The following LSAMP variants were observed in gnomAD, a reference collection of about 807,000 sequenced individuals.
LSAMP encodes limbic system-associated membrane protein.
LSAMP carries 7 observed loss-of-function variants against 38.6 expected under a neutral mutation model. That is an observed-to-expected ratio of 0.18 (90% CI 0.10 to 0.34). The LOEUF (loss-of-function observed/expected upper bound fraction) is 0.34. Among genes scored for constraint, LSAMP ranks in the 10% least tolerant of loss-of-function variants. The pLI, the probability that LSAMP is intolerant of heterozygous loss-of-function variation, is 1.00. For missense variants in LSAMP, 313 were observed against 420.0 expected, an observed-to-expected ratio of 0.75 and a Z score of 2.23; for synonymous variants, 154 against 166.8, an observed-to-expected ratio of 0.92 and a Z score of 0.59.
chr3:115,827,378 A>G (rs1009319795), intron 6 of LSAMP, among the ~76,000 whole-genome samples: 6 of 151,732 alleles, frequency 4.0e-5, no homozygotes, highest in Admixed American at 3.9e-4. Context: ...ATTGCCTCCA[A>G]ATGTCTTTTT....
At chr3:116,111,131 ACTT>A (rs1469130090) in intron 1 of LSAMP, among the ~76,000 whole-genome samples, 1 of 152,078 alleles carries the variant, frequency 6.6e-6, no homozygotes, top group African/African-American at 2.4e-5. Flanking sequence ...GGGCCTTTTC[ACTT>A]CTTTTGTGAT....
chr3:116,038,729 G>C (rs977363642), intron 2 of LSAMP, among the ~76,000 whole-genome samples: 6 of 152,144 alleles, frequency 3.9e-5, no homozygotes, highest in African/African-American at 1.4e-4. Context: ...TAAAGTAAGA[G>C]AGAGAAGTGC....
Position 116,427,287 on chromosome 3 carries a change from AT to A in LSAMP, c.155+17589del, listed in dbSNP as rs1236639081. Among the ~76,000 whole-genome samples, 5 of 151,098 alleles carry A rather than the reference AT, an allele frequency of 3.3e-5. No individual in the cohort carries two copies. In the East Asian group the frequency reaches 9.8e-4, roughly 30 times the overall value. On this transcript the variant is annotated intron_variant, in intron 1 of 6. Coordinates refer to ENST00000490035, the MANE Select transcript of LSAMP (RefSeq NM_002338.5). ...AGGCGCCCACCACCGCGCCCGGCTAATTTTTTGTATTTTTAGTAGAGACGGG... is the reference window on the plus strand; with the variant it reads ...AGGCGCCCACCACCGCGCCCGGCTAATTTTTGTATTTTTAGTAGAGACGGG...
At chr3:116,317,680 A>G (rs898239894) in intron 1 of LSAMP, among the ~76,000 whole-genome samples, 1 of 151,810 alleles carries the variant, frequency 6.6e-6, no homozygotes, top group Non-Finnish European at 1.5e-5. Flanking sequence ...TCTCATCTGC[A>G]TGATGTTAAG....
intron 3 of LSAMP, among the ~76,000 whole-genome samples, chr3:115,918,749 C>T (rs1937314857): frequency 7.0e-6 from 1 of 143,340 alleles, no homozygotes; most frequent in South Asian, 2.2e-4. Context: ...GTACTTATAG[C>T]TCAGAGAGAT....
intron 3 of LSAMP, among the ~76,000 whole-genome samples, chr3:115,986,289 A>G (rs539718827): frequency 2.0e-5 from 3 of 152,296 alleles, no homozygotes; most frequent in African/African-American, 7.2e-5. Context: ...AAGAAATAAA[A>G]CATGCTTGAG....
intron 2 of LSAMP, among the ~76,000 whole-genome samples, chr3:116,022,653 TC>T (rs1378863184): frequency 2.6e-5 from 4 of 152,224 alleles, no homozygotes; most frequent in African/African-American, 9.6e-5. Context: ...CTTAAGCTTA[TC>T]TTGTCCTTTC....
intron 1 of LSAMP, among the ~76,000 whole-genome samples, chr3:116,161,603 C>G (rs1273195049): frequency 6.6e-6 from 1 of 152,136 alleles, no homozygotes; most frequent in Non-Finnish European, 1.5e-5. Context: ...AAGAGCTCCC[C>G]AGATCCACTG....
chr3:116,016,200 AAAAC>A (rs1411008614), intron 3 of LSAMP, among the ~76,000 whole-genome samples: 3 of 152,138 alleles, frequency 2.0e-5, no homozygotes, highest in Non-Finnish European at 2.9e-5. Context: ...AAAAACCATG[AAAAC>A]AAACAAACAA....
intron 1 of LSAMP, among the ~76,000 whole-genome samples, chr3:116,098,768 C>T (rs1233427015): frequency 7.2e-5 from 11 of 151,760 alleles, no homozygotes; most frequent in African/African-American, 2.7e-4. Context: ...TTTTTTCCTC[C>T]CTTTTGCTGG....
intron 3 of LSAMP, among the ~76,000 whole-genome samples, chr3:116,010,621 A>G (rs1940296988): frequency 6.6e-6 from 1 of 152,260 alleles, no homozygotes; most frequent in Non-Finnish European, 1.5e-5. Flanking sequence ...AGGATTCGCC[A>G]TAGAACATTG....
At chr3:115,924,158 A>T (rs1396020937) in intron 3 of LSAMP, among the ~76,000 whole-genome samples, 1 of 152,092 alleles carries the variant, frequency 6.6e-6, no homozygotes, top group African/African-American at 2.4e-5. Context: ...GTTTTTTCTA[A>T]TCTGGACTTT....
intron 1 of LSAMP, among the ~76,000 whole-genome samples, chr3:116,182,378 T>C (rs1333828177): frequency 6.6e-6 from 1 of 150,748 alleles, no homozygotes; most frequent in Non-Finnish European, 1.5e-5. Flanking sequence ...ATATTGAACT[T>C]ATATATATAT....
At chr3:116,232,562 G>A (rs1222933117) in intron 1 of LSAMP, among the ~76,000 whole-genome samples, 2 of 152,220 alleles carry the variant, frequency 1.3e-5, no homozygotes, top group South Asian at 2.1e-4. Flanking sequence ...GCTTTATAAA[G>A]GTTTTGGCTT....
chr3:116,185,969 G>A (rs1489214650), intron 1 of LSAMP, among the ~76,000 whole-genome samples: 3 of 151,356 alleles, frequency 2.0e-5, no homozygotes, highest in African/African-American at 4.9e-5. Flanking sequence ...GGAAATCAAA[G>A]GCTGCATGAA....
chr3:116,202,357 C>T (rs940250027), intron 1 of LSAMP, among the ~76,000 whole-genome samples: 6 of 152,280 alleles, frequency 3.9e-5, no homozygotes, highest in Middle Eastern at 3.4e-3. Flanking sequence ...TAATCTTGAA[C>T]TCCTGACCTT....
intron 2 of LSAMP, among the ~76,000 whole-genome samples, chr3:116,023,297 T>C (rs182134299): frequency 6.6e-6 from 1 of 151,896 alleles, no homozygotes; most frequent in African/African-American, 2.4e-5. Context: ...AATGAGAAAA[T>C]ATTAAAAATG....
Position 116,445,258 on chromosome 3 carries a change from A to T in LSAMP, c.-227T>A. ...ACCCAAGCAGAAGGGTGAAAAGTAA[A>T]AGCAACACAATTTCAAAAGAGAGAG... On this transcript the variant is annotated 5_prime_UTR_variant, in exon 1 of 7. Transcript: ENST00000490035. 1 of 591,222 alleles carries T rather than the reference A, an allele frequency of 1.7e-6. No individual in the cohort carries two copies. Among genetic ancestry groups the T allele is most frequent in the Non-Finnish European group, 3.0e-6 (1 of 333,176 alleles). 36.6% of individuals were successfully genotyped at this position (591,222 alleles called of 1,614,324 possible).
intron 1 of LSAMP, among the ~76,000 whole-genome samples, chr3:116,401,080 T>C (rs1232560283): frequency 6.6e-6 from 1 of 152,200 alleles, no homozygotes. Flanking sequence ...AACCCTGGCC[T>C]CCAGGACATC....
Sources: allele counts gnomAD v4.1 joint callset (sites outside exome capture counted in the v4.1 genomes callset), GRCh38; gene constraint gnomAD v4.1.1; transcripts MANE v1.5; gene names NCBI Gene and HGNC (gene_info 2026-07-23, HGNC 2026-07-21).